Variants in LYRM4 observed in about 807,000 individuals in gnomAD.
LYRM4 encodes LYR motif-containing protein 4.
A neutral mutation model predicts 11.7 loss-of-function variants in LYRM4; 9 were observed. The observed-to-expected ratio is 0.77, with a 90% CI of 0.46 to 1.34. The LOEUF is 1.34. LYRM4 is among the 40% of genes most tolerant of loss of function. The pLI, the probability that LYRM4 is intolerant of heterozygous loss-of-function variation, is 0.00. For synonymous variants in LYRM4, 42 were observed against 40.4 expected, an observed-to-expected ratio of 1.04 and a Z score of -0.15; for missense variants, 133 against 112.5, an observed-to-expected ratio of 1.18 and a Z score of -0.82.
At chr6:5,164,287 C>G (rs1442336406) in intron 2 of LYRM4, among the ~76,000 whole-genome samples, 1 of 152,102 alleles carries the variant, frequency 6.6e-6, no homozygotes, top group Non-Finnish European at 1.5e-5. Flanking sequence ...TGGCACTATT[C>G]ACACTAGCCC....
intron 1 of LYRM4, among the ~76,000 whole-genome samples, chr6:5,251,908 A>G (rs1374334888): frequency 2.0e-5 from 3 of 152,244 alleles, no homozygotes; most frequent in African/African-American, 7.2e-5. Flanking sequence ...CAGCTTGCCA[A>G]TAAATCTGGA....
intron 1 of LYRM4, among the ~76,000 whole-genome samples, chr6:5,238,496 T>G (rs1006425686): frequency 2.0e-5 from 3 of 152,216 alleles, no homozygotes; most frequent in African/African-American, 7.2e-5. Flanking sequence ...ACTGGATATA[T>G]TAAGTCAACT....
At chr6:5,073,370 A>T in the LYRM4 span, among the ~76,000 whole-genome samples, 14 of 151,814 alleles carry the variant, frequency 9.2e-5, no homozygotes, top group African/African-American at 2.7e-4. Context: ...ACTGTTAAAA[A>T]ATATATATAT....
At chr6:5,211,267 A>T (rs1228377385) in intron 2 of LYRM4, among the ~76,000 whole-genome samples, 1 of 152,176 alleles carries the variant, frequency 6.6e-6, no homozygotes, top group Non-Finnish European at 1.5e-5. Context: ...GTGACTGACA[A>T]TGAGAGAGGG....
the LYRM4 span, chr6:5,086,517 C>T: frequency 2.0e-6 from 3 of 1,534,730 alleles, no homozygotes; most frequent in Non-Finnish European, 2.6e-6. Context: ...ACAACGCGGG[C>T]GCCAACTACA....
chr6:5,186,878 G>T, intron 2 of LYRM4: 1 of 438,540 alleles, frequency 2.3e-6, no homozygotes, highest in Non-Finnish European at 3.7e-6. Flanking sequence ...CAGCTACTCG[G>T]GAGGCTGAGG....
At chr6:5,201,152 A>G (rs1039212909) in intron 2 of LYRM4, among the ~76,000 whole-genome samples, 3 of 152,132 alleles carry the variant, frequency 2.0e-5, no homozygotes, top group Non-Finnish European at 4.4e-5. Context: ...TGAGGAGAGT[A>G]ATTTAGAGTG....
chr6:5,059,043 T>C, the LYRM4 span, among the ~76,000 whole-genome samples: 2 of 152,182 alleles, frequency 1.3e-5, no homozygotes, highest in Non-Finnish European at 2.9e-5. Flanking sequence ...TGTTTCCTTT[T>C]AGAAGTCCTC....
At chr6:5,227,190 G>A (rs1430097722) in intron 1 of LYRM4, among the ~76,000 whole-genome samples, 1 of 152,164 alleles carries the variant, frequency 6.6e-6, no homozygotes, top group Non-Finnish European at 1.5e-5. Flanking sequence ...TCAGACTGTC[G>A]ATAAACCTGA....
chr6:5,066,615 AG>A, the LYRM4 span: 1 of 1,200,292 alleles, frequency 8.3e-7, no homozygotes, highest in Non-Finnish European at 1.2e-6. Context: ...GTCACTTTCA[AG>A]GGCAACCACT....
At chr6:5,086,165 C>T in the LYRM4 span, 3 of 1,528,292 alleles carry the variant, frequency 2.0e-6, no homozygotes, top group Non-Finnish European at 1.7e-6. Context: ...CAGTGCTCGA[C>T]GGCCTCGGGC....
chr6:5,231,474 AACTTT>A (rs146361623), intron 1 of LYRM4, among the ~76,000 whole-genome samples: 2,410 of 152,308 alleles, frequency 0.016, 58 homozygotes, highest in South Asian at 0.052. Context: ...CCCATCAGCT[AACTTT>A]ACTTCACTTC....
At chr6:5,198,892 G>T (rs1468490755) in intron 2 of LYRM4, among the ~76,000 whole-genome samples, 1 of 152,036 alleles carries the variant, frequency 6.6e-6, no homozygotes, top group Non-Finnish European at 1.5e-5. Flanking sequence ...TAATCAAAAC[G>T]ACAGAAAAAA....
chr6:5,150,715 C>A (rs992232757), intron 2 of LYRM4, among the ~76,000 whole-genome samples: 2 of 152,220 alleles, frequency 1.3e-5, no homozygotes, highest in South Asian at 4.1e-4. Context: ...CTCTCCCCTG[C>A]AAGCGTGTAA....
At position 5,225,352 on chromosome 6, in the gene LYRM4, A is replaced by G. The variant is rs536075874; in HGVS notation, c.87-8614T>C. Among the ~76,000 whole-genome samples, 16 of 152,316 alleles carry G rather than the reference A, an allele frequency of 1.1e-4. No homozygotes were observed. The East Asian group carries it at 3.1e-3, about 29-fold the overall frequency. On this transcript the variant is annotated intron_variant, in intron 1 of 2. Coordinates refer to ENST00000330636, the MANE Select transcript of LYRM4 (RefSeq NM_020408.6). ...CCCTCTCATTCCTGTCCCTTAAACA[A>G]CCAGTTCTCTCTAGATGCTATCACA... is the stretch of plus-strand genomic sequence containing the variant.
the LYRM4 span, among the ~76,000 whole-genome samples, chr6:5,037,539 G>A: frequency 1.4e-4 from 11 of 80,120 alleles, 1 homozygote; most frequent in African/African-American, 3.9e-4. Flanking sequence ...CCTCCCAGAC[G>A]GGGTCCTGGC....
At chr6:5,140,293 AG>A (rs1312226837) in intron 2 of LYRM4, among the ~76,000 whole-genome samples, 1 of 152,092 alleles carries the variant, frequency 6.6e-6, no homozygotes, top group Non-Finnish European at 1.5e-5. Context: ...TCTGGTTCAC[AG>A]GCTGCCTGAT....
At chr6:5,055,046 CCTG>C in the LYRM4 span, among the ~76,000 whole-genome samples, 1 of 152,156 alleles carries the variant, frequency 6.6e-6, no homozygotes, top group Non-Finnish European at 1.5e-5. The surrounding 1 kb of genome is among the most constrained non-coding windows in gnomAD (Gnocchi z 4.5). Flanking sequence ...CTCTCTGAAA[CCTG>C]CTATTTGGAG....
chr6:5,046,308 G>A, the LYRM4 span, among the ~76,000 whole-genome samples: 4 of 151,938 alleles, frequency 2.6e-5, no homozygotes, highest in Non-Finnish European at 4.4e-5. Context: ...CACCACACCC[G>A]GCTAATTTTT....
Sources: allele counts gnomAD v4.1 joint callset (sites outside exome capture counted in the v4.1 genomes callset), GRCh38; gene constraint gnomAD v4.1.1; non-coding constraint Gnocchi (gnomAD v3.1); transcripts MANE v1.5; gene names NCBI Gene and HGNC (gene_info 2026-07-23, HGNC 2026-07-21).